Variants in POMT1 observed in about 807,000 individuals in gnomAD.
POMT1 encodes the protein protein O-mannosyltransferase 1.
POMT1 carries 85 observed loss-of-function variants against 101.6 expected under a neutral mutation model. The ratio of observed to expected loss-of-function variants is 0.84; its 90% CI spans 0.70 to 1.00. The LOEUF is 1.00. POMT1 is among the 50% of genes least tolerant of loss of function. The probability of loss-of-function intolerance (pLI) is 0.00; values close to 1 mark genes in which losing one functional copy is unlikely to be tolerated. For synonymous variants in POMT1, 371 were observed against 383.0 expected, an observed-to-expected ratio of 0.97 and a Z score of 0.37; for missense variants, 857 against 930.4, an observed-to-expected ratio of 0.92 and a Z score of 1.03.
intron 13 of POMT1, 122 bp from the exon 14 acceptor site, chr9:131,518,323 T>C (rs1280688052): frequency 4.5e-6 from 4 of 895,488 alleles, no homozygotes; most frequent in African/African-American, 1.6e-5. Flanking sequence ...CTTCCCTCAC[T>C]TGGGGACTTG....
At chr9:131,513,455 G>A (rs1392308919) in intron 12 of POMT1, 124 bp downstream of exon 12, 2 of 908,892 alleles carry the variant, frequency 2.2e-6, no homozygotes, top group African/African-American at 3.3e-5. Flanking sequence ...TGCATGTGTA[G>A]CAGCTCTTAG....
intron 9 of POMT1, 39 bp downstream of exon 9, chr9:131,510,454 AGAT>A (rs1946868918): frequency 1.3e-6 from 2 of 1,594,000 alleles, no homozygotes; most frequent in African/African-American, 2.7e-5. Context: ...TGGAGAAGGA[AGAT>A]GATAGTGGAC....
intron 5 of POMT1, 72 bp from the exon 6 acceptor site, chr9:131,508,839 A>G: frequency 1.8e-6 from 2 of 1,091,820 alleles, no homozygotes; most frequent in Non-Finnish European, 2.8e-6. Flanking sequence ...GCCTTTTTTC[A>G]TGAGTGTTTT....
Position 131,523,559 on chromosome 9 carries a change from T to C in POMT1, c.*453T>C, listed in dbSNP as rs11005. ...CCCTCAGCGAGCCCGGCAGGCGTCCTGGGACAGCTCAGTGTTGGAGGGCCA... is the reference window on the plus strand; with the variant it reads ...CCCTCAGCGAGCCCGGCAGGCGTCCCGGGACAGCTCAGTGTTGGAGGGCCA... On this transcript the variant is annotated 3_prime_UTR_variant, in exon 20 of 20. Transcript: ENST00000402686. The C allele has an allele frequency of 0.75, 196,705 of 262,622 alleles. 75,435 individuals carry two copies. The highest frequency in any genetic ancestry group is 0.92 in the East Asian group (9,533 of 10,388). The allele number at this position is 262,622 out of a possible 1,614,324, so 16.3% of individuals were successfully genotyped here. A position where few individuals can be genotyped will look rare whatever the true frequency, so the allele number is the denominator to read the frequency against.
In POMT1 at chr9:131,513,219, G is replaced by A. The variant is rs779783063; in HGVS notation, c.1083-20G>A. 24 of 1,608,392 alleles carry A rather than the reference G, an allele frequency of 1.5e-5. No individual in the cohort carries two copies. Among genetic ancestry groups the A allele is most frequent in the East Asian group, 6.7e-5 (3 of 44,862 alleles). On this transcript the variant is annotated intron_variant, in intron 11 of 19. Coordinates refer to ENST00000402686, the MANE Select transcript of POMT1 (RefSeq NM_001077365.2). The stretch of plus-strand genomic sequence containing the variant: ...AGGGGACCAGGCTCTGTGTGGTCCC[G>A]ACAGCACTGTGTCTTCCAGGCACCA...
chr9:131,522,908 C>T lies in POMT1; in HGVS notation c.2004-24C>T. 1 of 1,566,836 alleles carries T rather than the reference C, an allele frequency of 6.4e-7. No homozygotes were observed. The stretch of plus-strand genomic sequence containing the variant: ...AAGCCGCAGTGGTCAGCCACCCTCC[C>T]CCACGCTGCTCTGACCTCTGCAGGT... On this transcript the variant is annotated intron_variant, in intron 19 of 19. Coordinates refer to ENST00000402686, the MANE Select transcript of POMT1 (RefSeq NM_001077365.2). The surrounding 1 kb of genome is among the most constrained non-coding windows in gnomAD (Gnocchi z 5.5).
chr9:131,521,302 G>A, intron 17 of POMT1, 44 bp from the exon 18 acceptor site: 5 of 1,613,542 alleles, frequency 3.1e-6, no homozygotes, highest in Non-Finnish European at 2.5e-6. Context: ...TTCCCTCCCT[G>A]AGCAGAGGGC....
At position 131,522,142 on chromosome 9, in the gene POMT1, C is replaced by T. The variant is rs777437871; in HGVS notation, c.1921C>T (p.Leu641Phe). ...CTTCCTGATGGAGAAGACACTCTTCCTCTACCACTACCTGCCCGCACTCAC... is the reference window on the plus strand; with the variant it reads ...CTTCCTGATGGAGAAGACACTCTTCTTCTACCACTACCTGCCCGCACTCAC... ...PFFLMEKTLF[L>F]YHYLPALTFQ... Residue 641 changes from leucine to phenylalanine, a missense_variant, in exon 19 of 20, where the codon CTC (leucine) becomes TTC (phenylalanine). Physicochemically the swap from Leu to Phe is conservative, Grantham distance 22. Transcript: ENST00000402686. This position sits in a 1 kb window ranked among gnomAD's most constrained non-coding sequence, Gnocchi z 5.5. 1.2e-6 allele frequency: 2 copies of T among 1,614,180 alleles called. No homozygotes were observed. The highest frequency in any genetic ancestry group is 1.1e-5 in the South Asian group (1 of 91,088).
chr9:131,515,322 C>T (rs184831963), intron 12 of POMT1, 104 bp from the exon 13 acceptor site: 78 of 1,170,902 alleles, frequency 6.7e-5, no homozygotes, highest in East Asian at 2.6e-4. Flanking sequence ...ATGGCTGAGC[C>T]GGCTTTGTTT....
intron 12 of POMT1, 81 bp downstream of exon 12, chr9:131,513,412 C>CCTTG: frequency 7.8e-7 from 1 of 1,278,384 alleles, no homozygotes; most frequent in East Asian, 2.5e-5. Context: ...GTGAGCCCTG[C>CCTTG]CTTGGGCCGC....
chr9:131,509,486 T>G (rs1304489532), intron 6 of POMT1, among the ~76,000 whole-genome samples: 1 of 152,250 alleles, frequency 6.6e-6, no homozygotes, highest in Non-Finnish European at 1.5e-5. Context: ...TTTTGGGGGT[T>G]GGCCCTTGGC....
intron 7 of POMT1, 33 bp from the exon 8 acceptor site, chr9:131,509,870 C>T (rs553914588): frequency 3.0e-5 from 48 of 1,614,092 alleles, no homozygotes; most frequent in Non-Finnish European, 3.7e-5. Flanking sequence ...TTTCCTGTCT[C>T]ATGTTAACTC....
chr9:131,513,467 C>A, intron 12 of POMT1, 136 bp downstream of exon 12: 1 of 863,254 alleles, frequency 1.2e-6, no homozygotes, highest in Non-Finnish European at 1.9e-6. Flanking sequence ...AGCTCTTAGA[C>A]CTACATTTGA....
chr9:131,515,329 G>T, intron 12 of POMT1, 97 bp from the exon 13 acceptor site: 1 of 1,281,304 alleles, frequency 7.8e-7, no homozygotes, highest in Non-Finnish European at 1.1e-6. Flanking sequence ...AGCCGGCTTT[G>T]TTTCTGAAAA....
chr9:131,522,622 G>A lies in POMT1; in HGVS notation c.2004-310G>A. 11 of 540,696 alleles carry A rather than the reference G, an allele frequency of 2.0e-5. No individual in the cohort carries two copies. Among genetic ancestry groups the A allele is most frequent in the Non-Finnish European group, 3.7e-5 (11 of 299,932 alleles). The allele number at this position is 540,696 out of a possible 1,614,324, so 33.5% of individuals were successfully genotyped here. A position where few individuals can be genotyped will look rare whatever the true frequency, so the allele number is the denominator to read the frequency against. On this transcript the variant is annotated intron_variant, in intron 19 of 19. Coordinates refer to ENST00000402686, the MANE Select transcript of POMT1 (RefSeq NM_001077365.2). This position sits in a 1 kb window ranked among gnomAD's most constrained non-coding sequence, Gnocchi z 5.5. ...TAAACCAGAGTGTGTTTGGAGGTTG[G>A]AGCAGAGGGCGAGGGCCTCCCGGTT... is the stretch of plus-strand genomic sequence containing the variant.
rs1171654913 is a variant in POMT1, at chr9:131,522,588, G to GA, written c.2004-341dup. The GA allele has an allele frequency of 1.9e-6, 1 of 525,326 alleles. No individual in the cohort carries two copies. The highest frequency in any genetic ancestry group is 1.9e-5 in the African/African-American group (1 of 52,372). 32.5% of individuals were successfully genotyped at this position (525,326 alleles called of 1,614,324 possible). Reference sequence around the variant, plus strand: ...GTGTGGTGTGGTGGAGAGAACCCAAGAAAGCTTCTAAACCAGAGTGTGTTT... The same window carrying GA: ...GTGTGGTGTGGTGGAGAGAACCCAAGAAAAGCTTCTAAACCAGAGTGTGTTT... On this transcript the variant is annotated intron_variant, in intron 19 of 19. Coordinates refer to ENST00000402686, the MANE Select transcript of POMT1 (RefSeq NM_001077365.2). The surrounding 1 kb of genome is among the most constrained non-coding windows in gnomAD (Gnocchi z 5.5).
At position 131,523,017 on chromosome 9, in the gene POMT1, C is replaced by T. The variant is rs1175778280; in HGVS notation, c.2089C>T (p.Leu697Phe). The change falls in exon 20 of 20, where the codon CTC becomes TTC. Residue 697 changes from leucine (L) to phenylalanine (F), a missense_variant. Physicochemically the swap from Leu to Phe is conservative, Grantham distance 22. Transcript: ENST00000402686. ...CCACGTGTCCAACACGCTGCGCCCA[C>T]TCACCTACGGGGACAAGTCACTCTC... Reference protein sequence around the residue: ...ACHVSNTLRPLTYGDKSLSPH... With the variant: ...ACHVSNTLRPFTYGDKSLSPH... 6.2e-7 allele frequency: 1 copy of T among 1,610,410 alleles called. No homozygotes were observed. The highest frequency in any genetic ancestry group is 2.2e-5 in the East Asian group (1 of 44,882).
chr9:131,506,010 T>A, intron 2 of POMT1, 104 bp from the exon 3 acceptor site: 3 of 1,482,652 alleles, frequency 2.0e-6, no homozygotes, highest in Non-Finnish European at 2.8e-6. Context: ...TGCTGATCAC[T>A]CACTCAAAGT....
At chr9:131,504,083 G>T in intron 1 of POMT1, 106 bp from the exon 2 acceptor site, 1 of 1,362,650 alleles carries the variant, frequency 7.3e-7, no homozygotes. Flanking sequence ...CAGCAGCCCG[G>T]CTGTGCTGTG....
Sources: allele counts gnomAD v4.1 joint callset (sites outside exome capture counted in the v4.1 genomes callset), GRCh38; gene constraint gnomAD v4.1.1; non-coding constraint Gnocchi (gnomAD v3.1); transcripts MANE v1.5; gene names NCBI Gene and HGNC (gene_info 2026-07-23, HGNC 2026-07-21).